Variants in ITPR1 observed in about 807,000 individuals in gnomAD.
The protein encoded by ITPR1 is inositol 1,4,5-trisphosphate-gated calcium channel ITPR1.
Under a neutral mutation model 318.4 loss-of-function variants are expected in ITPR1, and 96 were observed. That is an observed-to-expected ratio of 0.30 (90% confidence interval 0.26 to 0.36). The LOEUF (loss-of-function observed/expected upper bound fraction) is 0.36. ITPR1 is among the 10% of genes least tolerant of loss of function. The probability of loss-of-function intolerance (pLI) is 1.00; values close to 1 mark genes in which losing one functional copy is unlikely to be tolerated. For synonymous variants in ITPR1, 1,312 were observed against 1,289.9 expected, an observed-to-expected ratio of 1.02 and a Z score of -0.37; for missense variants, 2,440 against 3,460.2, an observed-to-expected ratio of 0.71 and a Z score of 7.40.
chr3:4,829,593 A>T (rs1244750516), intron 60 of ITPR1, among the ~76,000 whole-genome samples: 1 of 152,242 alleles, frequency 6.6e-6, no homozygotes, highest in Admixed American at 6.5e-5. Flanking sequence ...CAGAGTTCTC[A>T]TACATGCCCT....
chr3:4,593,583 T>C (rs1484772515), intron 4 of ITPR1, among the ~76,000 whole-genome samples: 1 of 152,204 alleles, frequency 6.6e-6, no homozygotes, highest in African/African-American at 2.4e-5. Flanking sequence ...AAACTGATAA[T>C]TATATGTGAA....
intron 44 of ITPR1, among the ~76,000 whole-genome samples, chr3:4,738,187 A>G (rs1334578569): frequency 6.6e-6 from 1 of 152,188 alleles, no homozygotes; most frequent in East Asian, 1.9e-4. Context: ...GTAACCTGCA[A>G]TTGCAACCCT....
intron 48 of ITPR1, among the ~76,000 whole-genome samples, chr3:4,777,618 G>T (rs959347264): frequency 2.0e-5 from 3 of 152,276 alleles, no homozygotes; most frequent in Admixed American, 2.0e-4. Context: ...AAGATTCCTT[G>T]CTCCAAGCTA....
intron 52 of ITPR1, among the ~76,000 whole-genome samples, chr3:4,790,059 G>T (rs1035656809): frequency 2.0e-5 from 3 of 152,214 alleles, no homozygotes; most frequent in Non-Finnish European, 2.9e-5. Context: ...AAATGTTTAT[G>T]TATAATGTAT....
intron 20 of ITPR1, among the ~76,000 whole-genome samples, chr3:4,671,949 A>C (rs2094095171): frequency 6.6e-6 from 1 of 152,212 alleles, no homozygotes; most frequent in African/African-American, 2.4e-5. Context: ...ACCATTCTAA[A>C]ACTTGCCTTA....
chr3:4,718,434 A>G (rs115172654), intron 40 of ITPR1, among the ~76,000 whole-genome samples: 1,686 of 152,348 alleles, frequency 0.011, 29 homozygotes, highest in African/African-American at 0.038. Flanking sequence ...CCGTAATTTC[A>G]GGAATACTAA....
At chr3:4,795,254 T>G in intron 53 of ITPR1, 67 bp downstream of exon 53, 1 of 1,521,708 alleles carries the variant, frequency 6.6e-7, no homozygotes, top group Non-Finnish European at 8.9e-7. Context: ...TGCATCTCAG[T>G]TGTGGTTCCT....
chr3:4,642,325 A>G (rs1330892928), intron 7 of ITPR1, 74 bp downstream of exon 7: 10 of 1,217,792 alleles, frequency 8.2e-6, no homozygotes, highest in Non-Finnish European at 1.1e-5. Context: ...AGAGTTAAGG[A>G]GGAGACGTTG....
chr3:4,809,596 T>C (rs1421449622), intron 55 of ITPR1, among the ~76,000 whole-genome samples: 2 of 134,506 alleles, frequency 1.5e-5, no homozygotes, highest in Admixed American at 7.7e-5. Context: ...TTTTTTCCTT[T>C]GTGCTTTTTT....
chr3:4,835,735 G>T (rs1180630576), intron 60 of ITPR1, among the ~76,000 whole-genome samples: 2 of 152,190 alleles, frequency 1.3e-5, no homozygotes, highest in Non-Finnish European at 2.9e-5. Flanking sequence ...CTGCCTCTCT[G>T]TACAGAACTT....
intron 4 of ITPR1, among the ~76,000 whole-genome samples, chr3:4,581,834 T>A (rs1229594802): frequency 6.6e-6 from 1 of 152,254 alleles, no homozygotes; most frequent in Non-Finnish European, 1.5e-5. Flanking sequence ...CAAAATGTCA[T>A]CTTGCCCACA....
chr3:4,646,383 A>G (rs2125161213), intron 10 of ITPR1, among the ~76,000 whole-genome samples: 1 of 152,366 alleles, frequency 6.6e-6, no homozygotes, highest in East Asian at 1.9e-4. Context: ...CAGAAGGAAG[A>G]GATGAATGGA....
chr3:4,844,941 T>C (rs963151962), intron 61 of ITPR1, among the ~76,000 whole-genome samples: 1 of 152,242 alleles, frequency 6.6e-6, no homozygotes, highest in Admixed American at 6.5e-5. Context: ...TCTTGTTTTA[T>C]GTTCTCTCCA....
At chr3:4,493,785 ATATCC>A (rs1173103217) in intron 1 of ITPR1, among the ~76,000 whole-genome samples, 180 bp downstream of exon 1, 1 of 151,952 alleles carries the variant, frequency 6.6e-6, no homozygotes, top group Non-Finnish European at 1.5e-5. Context: ...TAAAAAACAA[ATATCC>A]TCTACTCTAG....
intron 4 of ITPR1, among the ~76,000 whole-genome samples, chr3:4,612,882 A>G (rs548051891): frequency 6.6e-6 from 1 of 152,306 alleles, no homozygotes; most frequent in East Asian, 1.9e-4. Context: ...GTGAGACTGC[A>G]TCTCAAAACA....
chr3:4,660,256 T>G (rs1386763752), intron 13 of ITPR1, among the ~76,000 whole-genome samples: 1 of 152,212 alleles, frequency 6.6e-6, no homozygotes, highest in Non-Finnish European at 1.5e-5. Context: ...TCTTTGTATT[T>G]CATTATTAAA....
At position 4,710,767 on chromosome 3, in the gene ITPR1, C is replaced by T. The variant is rs114062179; in HGVS notation, c.4991+294C>T. Among the ~76,000 whole-genome samples, 183 of 152,298 alleles carry T rather than the reference C, an allele frequency of 1.2e-3. No individual in the cohort carries two copies. The highest frequency in any genetic ancestry group is 4.2e-3 in the African/African-American group (175 of 41,574). On this transcript the variant is annotated intron_variant, in intron 38 of 61. Coordinates refer to ENST00000649015, the MANE Select transcript of ITPR1 (RefSeq NM_001378452.1). The surrounding 1 kb of genome is among the most constrained non-coding windows in gnomAD (Gnocchi z 4.2). ...CACCCACCGTGTGCTGTGGTACAGA[C>T]ATAAAAAAGCCATGATCCCTCAGCC...
chr3:4,703,133 G>GC (rs1299716748), intron 36 of ITPR1, among the ~76,000 whole-genome samples, 183 bp downstream of exon 36: 2 of 152,158 alleles, frequency 1.3e-5, no homozygotes, highest in Non-Finnish European at 2.9e-5. Context: ...TACCAAGCCA[G>GC]CATTTCCCAA....
At chr3:4,557,672 T>A (rs2086265321) in intron 4 of ITPR1, among the ~76,000 whole-genome samples, 1 of 152,256 alleles carries the variant, frequency 6.6e-6, no homozygotes, top group Admixed American at 6.5e-5. Flanking sequence ...TGGCATTGTT[T>A]GTAAACTAAT....
Sources: gnomAD v4.1 joint callset for allele counts (sites outside exome capture counted in the v4.1 genomes callset) on GRCh38, gnomAD v4.1.1 for gene constraint, Gnocchi (gnomAD v3.1) non-coding constraint, MANE v1.5 for transcripts, NCBI Gene and HGNC (gene_info 2026-07-23, HGNC 2026-07-21) for gene names.